GMDS: variants seen among roughly 807,000 people sequenced by gnomAD.
The protein encoded by GMDS is GDP-mannose 4,6 dehydratase.
A neutral mutation model predicts 49.9 loss-of-function variants in GMDS; 20 were observed. The observed-to-expected ratio is 0.40, with a 90% CI of 0.28 to 0.58. The LOEUF is 0.58. Among genes scored for constraint, GMDS ranks in the 20% least tolerant of loss-of-function variants. The pLI is 0.42. For synonymous variants in GMDS, 177 were observed against 178.6 expected (o/e 0.99, Z 0.07); for missense variants, 362 against 481.4 (o/e 0.75, Z 2.32).
intron 1 of GMDS, among the ~76,000 whole-genome samples, chr6:2,171,016 T>C (rs1473679920): frequency 6.6e-6 from 1 of 151,942 alleles, no homozygotes; most frequent in East Asian, 1.9e-4. Context: ...AAAAATACTC[T>C]AAAAACAAGT....
intron 7 of GMDS, among the ~76,000 whole-genome samples, chr6:1,854,595 G>T (rs1345985095): frequency 6.6e-6 from 1 of 152,168 alleles, no homozygotes; most frequent in Non-Finnish European, 1.5e-5. Flanking sequence ...GGACACTGTT[G>T]AACAGAACAG....
At chr6:2,242,005 A>G (rs533335665) in intron 1 of GMDS, among the ~76,000 whole-genome samples, 2 of 152,372 alleles carry the variant, frequency 1.3e-5, no homozygotes, top group South Asian at 4.1e-4. Context: ...GGGAGGTAAC[A>G]GGCTGAAAAT....
chr6:1,871,111 GAA>G (rs1178162597), intron 7 of GMDS, among the ~76,000 whole-genome samples: 1 of 151,170 alleles, frequency 6.6e-6, no homozygotes, highest in Non-Finnish European at 1.5e-5. Context: ...TAATTACTCT[GAA>G]CATCCACAAG....
chr6:1,673,479 T>G (rs1764491120), intron 9 of GMDS, among the ~76,000 whole-genome samples: 1 of 152,088 alleles, frequency 6.6e-6, no homozygotes, highest in South Asian at 2.1e-4. Context: ...ACCCCACTCT[T>G]GCACAATTTC....
At chr6:2,016,649 C>T (rs570898916) in intron 4 of GMDS, among the ~76,000 whole-genome samples, 4 of 152,222 alleles carry the variant, frequency 2.6e-5, no homozygotes, top group East Asian at 1.9e-4. Flanking sequence ...TTCCAAAATG[C>T]TCATGTAATA....
At chr6:1,976,838 T>C (rs1342715808) in intron 4 of GMDS, among the ~76,000 whole-genome samples, 2 of 152,230 alleles carry the variant, frequency 1.3e-5, no homozygotes, top group African/African-American at 4.8e-5. Context: ...TAAATTGCTG[T>C]GCAATACAGT....
intron 1 of GMDS, among the ~76,000 whole-genome samples, chr6:2,172,207 A>G (rs969954709): frequency 6.6e-6 from 1 of 152,200 alleles, no homozygotes; most frequent in African/African-American, 2.4e-5. Flanking sequence ...CAGATTGAGG[A>G]GAAAAAATGA....
intron 4 of GMDS, among the ~76,000 whole-genome samples, chr6:2,054,314 AAAAC>A (rs956801349): frequency 2.0e-5 from 3 of 152,266 alleles, no homozygotes; most frequent in Non-Finnish European, 4.4e-5. Flanking sequence ...ATGACATCTA[AAAAC>A]AAACAAACAA....
chr6:1,961,535 T>C (rs1763944621), intron 4 of GMDS, among the ~76,000 whole-genome samples: 1 of 152,252 alleles, frequency 6.6e-6, no homozygotes, highest in African/African-American at 2.4e-5. Flanking sequence ...TGCTAATGTA[T>C]ATATGAACCA....
intron 1 of GMDS, among the ~76,000 whole-genome samples, chr6:2,174,611 G>A (rs1778181927): frequency 6.6e-6 from 1 of 151,886 alleles, no homozygotes; most frequent in South Asian, 2.1e-4. Flanking sequence ...TCTGTCACCT[G>A]GGCTGGAGTG....
At chr6:2,010,867 G>C (rs1241639813) in intron 4 of GMDS, among the ~76,000 whole-genome samples, 1 of 152,102 alleles carries the variant, frequency 6.6e-6, no homozygotes, top group Admixed American at 6.5e-5. Context: ...GGAAATGGAA[G>C]TATATTATTG....
At chr6:2,072,511 A>G (rs1772076778) in intron 4 of GMDS, among the ~76,000 whole-genome samples, 2 of 152,202 alleles carry the variant, frequency 1.3e-5, no homozygotes, top group Admixed American at 1.3e-4. Flanking sequence ...TTTTAGTTTC[A>G]TAGGAGTAGG....
At chr6:2,026,510 C>T (rs1168641561) in intron 4 of GMDS, among the ~76,000 whole-genome samples, 1 of 152,244 alleles carries the variant, frequency 6.6e-6, no homozygotes, top group African/African-American at 2.4e-5. Context: ...ATATTCAAAA[C>T]CACCAGCAGC....
chr6:1,867,512 T>C (rs982397041), intron 7 of GMDS, among the ~76,000 whole-genome samples: 1 of 152,176 alleles, frequency 6.6e-6, no homozygotes, highest in African/African-American at 2.4e-5. Flanking sequence ...TTTTACAACA[T>C]TGTAGACACA....
intron 7 of GMDS, among the ~76,000 whole-genome samples, chr6:1,830,722 T>C (rs113480518): frequency 2.6e-5 from 4 of 152,336 alleles, no homozygotes; most frequent in African/African-American, 9.6e-5. Flanking sequence ...ATCTATGTGA[T>C]AGTTATTATC....
At chr6:2,117,700 C>T in intron 2 of GMDS, 144 bp from the exon 3 acceptor site, 1 of 605,622 alleles carries the variant, frequency 1.7e-6, no homozygotes, top group African/African-American at 1.9e-5. Context: ...ACTTTCTCCC[C>T]AACCACTGTC....
intron 6 of GMDS, among the ~76,000 whole-genome samples, chr6:1,943,374 C>T (rs528166615): frequency 1.3e-5 from 2 of 152,344 alleles, no homozygotes; most frequent in South Asian, 4.1e-4. Context: ...CACTCCACTG[C>T]AATCTTCAGT....
intron 9 of GMDS, among the ~76,000 whole-genome samples, chr6:1,708,031 G>A (rs1322281327): frequency 6.6e-6 from 1 of 152,098 alleles, no homozygotes; most frequent in Non-Finnish European, 1.5e-5. Context: ...AGTAAGGTAA[G>A]GTATAAATAA....
At chr6:2,170,288 G>C (rs1027396861) in intron 1 of GMDS, among the ~76,000 whole-genome samples, 5 of 152,046 alleles carry the variant, frequency 3.3e-5, no homozygotes, top group African/African-American at 1.2e-4. Context: ...TTACAGATTG[G>C]TTTAAATCCA....
Sources: gnomAD v4.1 joint callset for allele counts (sites outside exome capture counted in the v4.1 genomes callset) on GRCh38, gnomAD v4.1.1 for gene constraint, MANE v1.5 for transcripts, NCBI Gene and HGNC (gene_info 2026-07-23, HGNC 2026-07-21) for gene names.